RBFOX1: variants seen among roughly 807,000 people sequenced by gnomAD.
The protein encoded by RBFOX1 is RNA binding fox-1 homolog 1.
In RBFOX1, 8 loss-of-function variants were observed where a neutral mutation model predicts 57.7. That is an observed-to-expected ratio of 0.14 (90% confidence interval 0.08 to 0.25). The LOEUF (loss-of-function observed/expected upper bound fraction) is 0.25, where lower values mean the gene tolerates loss of function less well. Ranked by LOEUF, RBFOX1 falls within the 10% of genes least tolerant of loss-of-function variation. The probability of loss-of-function intolerance (pLI) is 1.00; values close to 1 mark genes in which losing one functional copy is unlikely to be tolerated. For missense variants in RBFOX1, 611 were observed against 548.5 expected (o/e 1.11, Z -1.14); for synonymous variants, 326 against 222.4 (o/e 1.47, Z -4.15).
intron 3 of RBFOX1, among the ~76,000 whole-genome samples, chr16:6,949,902 A>G (rs371386867): frequency 6.6e-6 from 1 of 151,074 alleles, no homozygotes; most frequent in East Asian, 1.9e-4. Flanking sequence ...AACTGTCTTC[A>G]TCCTCAGCGT....
chr16:7,231,205 G>A (rs889161641), intron 4 of RBFOX1, among the ~76,000 whole-genome samples: 2 of 152,194 alleles, frequency 1.3e-5, no homozygotes, highest in African/African-American at 4.8e-5. Context: ...AACCGAAAGA[G>A]CTAGAATACG....
chr16:7,657,723 C>T (rs1199505375), intron 12 of RBFOX1, among the ~76,000 whole-genome samples: 1 of 152,168 alleles, frequency 6.6e-6, no homozygotes, highest in African/African-American at 2.4e-5. Flanking sequence ...TCTCACATGC[C>T]TAAATAGAAA....
chr16:6,646,809 T>C (rs2098538225), intron 2 of RBFOX1, among the ~76,000 whole-genome samples: 1 of 151,626 alleles, frequency 6.6e-6, no homozygotes, highest in South Asian at 2.1e-4. Context: ...TCAAGGAGAG[T>C]TTTTAGTAAG....
chr16:5,634,883 A>C (rs1406564055), intron 3 of RBFOX1, among the ~76,000 whole-genome samples: 1 of 152,178 alleles, frequency 6.6e-6, no homozygotes, highest in African/African-American at 2.4e-5. Context: ...CTTTTTACTC[A>C]CAAGTGTTTA....
chr16:6,557,011 A>T (rs2097108044), intron 2 of RBFOX1, among the ~76,000 whole-genome samples: 4 of 137,530 alleles, frequency 2.9e-5, no homozygotes, highest in Admixed American at 2.9e-4. Context: ...ATATACATAT[A>T]TATACATATA....
At chr16:6,589,245 C>T (rs540519772) in intron 2 of RBFOX1, among the ~76,000 whole-genome samples, 3 of 152,320 alleles carry the variant, frequency 2.0e-5, no homozygotes, top group East Asian at 1.9e-4. Context: ...TTCTCCTTGC[C>T]TGCTGCCTAG....
intron 4 of RBFOX1, among the ~76,000 whole-genome samples, chr16:5,892,381 T>A (rs539804679): frequency 6.6e-6 from 1 of 152,316 alleles, no homozygotes; most frequent in South Asian, 2.1e-4. Context: ...ACTTCCTGGA[T>A]GACCTCTGTC....
chr16:7,029,053 T>TATATATATATAC (rs1304719755), intron 3 of RBFOX1, among the ~76,000 whole-genome samples: 1 of 19,062 alleles, frequency 5.2e-5, no homozygotes, highest in Non-Finnish European at 9.4e-5. Context: ...AAGCTATATA[T>TATATATATATAC]ATATATATAT....
At chr16:6,769,636 G>T (rs571964331) in intron 3 of RBFOX1, among the ~76,000 whole-genome samples, 1 of 152,150 alleles carries the variant, frequency 6.6e-6, no homozygotes, top group Non-Finnish European at 1.5e-5. Flanking sequence ...GATGACTGTT[G>T]GCTCTAATGT....
intron 4 of RBFOX1, among the ~76,000 whole-genome samples, chr16:7,509,029 A>G (rs979584331): frequency 3.9e-5 from 6 of 152,242 alleles, no homozygotes; most frequent in Non-Finnish European, 8.8e-5. Flanking sequence ...ATAAAGGAAG[A>G]ACAAAGTACT....
intron 2 of RBFOX1, among the ~76,000 whole-genome samples, chr16:6,629,928 G>C (rs1282509591): frequency 6.9e-6 from 1 of 145,048 alleles, no homozygotes; most frequent in African/African-American, 2.5e-5. Flanking sequence ...CTACATAAAT[G>C]CTAATTTTAC....
intron 4 of RBFOX1, among the ~76,000 whole-genome samples, chr16:7,189,425 CAAAAAAA>C (rs1159617665): frequency 0.039 from 2,638 of 67,594 alleles, 122 homozygotes; most frequent in African/African-American, 0.12. Flanking sequence ...GACTCCCTCT[CAAAAAAA>C]AAAAAAAAAA....
chr16:6,973,334 A>T (rs549985561), intron 3 of RBFOX1, among the ~76,000 whole-genome samples: 1 of 152,230 alleles, frequency 6.6e-6, no homozygotes, highest in Non-Finnish European at 1.5e-5. Flanking sequence ...TTGTTGTCAG[A>T]CAAAAGCAGC....
At chr16:6,230,970 G>T (rs141713779) in intron 1 of RBFOX1, among the ~76,000 whole-genome samples, 4 of 152,302 alleles carry the variant, frequency 2.6e-5, no homozygotes, top group African/African-American at 9.6e-5. Flanking sequence ...GGGGCTTGCA[G>T]TCTGGGAGGA....
chr16:7,250,969 C>T (rs1447604562), intron 4 of RBFOX1, among the ~76,000 whole-genome samples: 1 of 151,964 alleles, frequency 6.6e-6, no homozygotes, highest in Non-Finnish European at 1.5e-5. Flanking sequence ...ATGGCGAAGT[C>T]AGGCTAATTA....
At chr16:7,285,985 C>T (rs985079087) in intron 4 of RBFOX1, among the ~76,000 whole-genome samples, 10 of 152,108 alleles carry the variant, frequency 6.6e-5, no homozygotes, top group South Asian at 4.1e-4. Context: ...TAGTTCCATC[C>T]GGGTAAGTAG....
intron 2 of RBFOX1, among the ~76,000 whole-genome samples, chr16:6,604,074 G>C (rs930550924): frequency 6.6e-6 from 1 of 151,966 alleles, no homozygotes; most frequent in Non-Finnish European, 1.5e-5. Context: ...GAAACACCCA[G>C]ATCCCTTTTT....
chr16:5,740,439 C>T (rs771137113), intron 3 of RBFOX1, among the ~76,000 whole-genome samples: 5 of 152,212 alleles, frequency 3.3e-5, no homozygotes, highest in Non-Finnish European at 7.3e-5. Context: ...GGACACTATT[C>T]AAAGCACATT....
At chr16:5,303,236 G>C (rs1007512067) in intron 1 of RBFOX1, among the ~76,000 whole-genome samples, 4 of 152,140 alleles carry the variant, frequency 2.6e-5, no homozygotes, top group Admixed American at 2.6e-4. Context: ...TCATAGTGTT[G>C]ATGGGTCCCT....
Sources: gnomAD v4.1 joint callset for allele counts (sites outside exome capture counted in the v4.1 genomes callset) on GRCh38, gnomAD v4.1.1 for gene constraint, MANE v1.5 for transcripts, NCBI Gene and HGNC (gene_info 2026-07-23, HGNC 2026-07-21) for gene names.